The following PKNOX2 variants were observed in gnomAD, a reference collection of about 807,000 sequenced individuals.
PKNOX2 encodes the protein homeobox protein PKNOX2.
In PKNOX2, 14 loss-of-function variants were observed where a neutral mutation model predicts 53.1. The observed-to-expected ratio is 0.26, with a 90% confidence interval of 0.17 to 0.41. The LOEUF (loss-of-function observed/expected upper bound fraction) is 0.41, where lower values mean the gene tolerates loss of function less well. Ranked by LOEUF, PKNOX2 falls within the 10% of genes least tolerant of loss-of-function variation. PKNOX2 has a pLI of 1.00. For synonymous variants in PKNOX2, 257 were observed against 242.8 expected (o/e 1.06, Z -0.54); for missense variants, 496 against 602.8 (o/e 0.82, Z 1.85).
intron 10 of PKNOX2, among the ~76,000 whole-genome samples, chr11:125,426,078 C>T (rs1286183766): frequency 6.6e-6 from 1 of 152,220 alleles, no homozygotes; most frequent in East Asian, 1.9e-4. Flanking sequence ...GTGACATTCA[C>T]TCAGAATGGG....
rs1319720903 is a variant in PKNOX2 at position 125,165,895 on chromosome 11, C to T, written c.-201+1119C>T. Among the ~76,000 whole-genome samples the T allele has an allele frequency of 1.3e-5, 2 of 152,144 alleles. No homozygotes were observed. Among genetic ancestry groups the T allele is most frequent in the Non-Finnish European group, 2.9e-5 (2 of 68,026 alleles). On this transcript the variant is annotated intron_variant, in intron 1 of 12. Transcript: ENST00000298282. The surrounding 1 kb of genome is among the most constrained non-coding windows in gnomAD (Gnocchi z 4.5). Reference sequence around the variant, plus strand: ...TTTGCATTTCTTTCGGGTTAGGAGACGGGCTTTCCTGGCTCCCGATCCCCA... The same window carrying T: ...TTTGCATTTCTTTCGGGTTAGGAGATGGGCTTTCCTGGCTCCCGATCCCCA...
intron 2 of PKNOX2, among the ~76,000 whole-genome samples, chr11:125,268,296 G>A (rs1486897307): frequency 1.3e-5 from 2 of 152,340 alleles, no homozygotes; most frequent in Middle Eastern, 3.4e-3. Flanking sequence ...ACCGCGTGCT[G>A]TAGAAGCTGC....
At chr11:125,261,261 C>T (rs1165621592) in intron 2 of PKNOX2, among the ~76,000 whole-genome samples, 1 of 152,164 alleles carries the variant, frequency 6.6e-6, no homozygotes, top group Admixed American at 6.5e-5. Context: ...TTTATGTTAT[C>T]TGTCTTTTCC....
chr11:125,210,571 G>A (rs757171690), intron 1 of PKNOX2, among the ~76,000 whole-genome samples: 1 of 152,122 alleles, frequency 6.6e-6, no homozygotes, highest in Non-Finnish European at 1.5e-5. Context: ...AGAAAACTCC[G>A]TGGTCTTTGG....
chr11:125,176,592 G>T (rs1955719908), intron 1 of PKNOX2, among the ~76,000 whole-genome samples: 1 of 152,190 alleles, frequency 6.6e-6, no homozygotes, highest in South Asian at 2.1e-4. Context: ...AGGCATGAAG[G>T]GAGACTTGCC....
intron 1 of PKNOX2, among the ~76,000 whole-genome samples, chr11:125,222,635 A>ATG (rs1200116353): frequency 1.6e-5 from 2 of 126,764 alleles, no homozygotes; most frequent in African/African-American, 6.4e-5. Context: ...GTGTGTGTGT[A>ATG]TGTGTGTGCG....
chr11:125,280,347 G>T (rs958680963), intron 2 of PKNOX2, among the ~76,000 whole-genome samples: 5 of 152,202 alleles, frequency 3.3e-5, no homozygotes, highest in Admixed American at 6.5e-5. Flanking sequence ...CAACCTGTGT[G>T]CATCTGGGGA....
At chr11:125,322,418 C>T (rs563181924) in intron 2 of PKNOX2, among the ~76,000 whole-genome samples, 17 of 152,302 alleles carry the variant, frequency 1.1e-4, no homozygotes, top group Non-Finnish European at 2.2e-4. Context: ...CTGTCCTCTT[C>T]ATCATTATGA....
intron 12 of PKNOX2, among the ~76,000 whole-genome samples, chr11:125,430,881 C>T (rs920070557): frequency 6.6e-6 from 1 of 152,210 alleles, no homozygotes; most frequent in Non-Finnish European, 1.5e-5. Flanking sequence ...GATAATAATA[C>T]CTGCCTTACA....
At chr11:125,272,049 G>T (rs1031267041) in intron 2 of PKNOX2, among the ~76,000 whole-genome samples, 2 of 152,234 alleles carry the variant, frequency 1.3e-5, no homozygotes, top group African/African-American at 4.8e-5. Context: ...GCCACTCGGT[G>T]CCTTTTATTA....
intron 10 of PKNOX2, 81 bp from the exon 11 acceptor site, chr11:125,428,931 G>A: frequency 6.9e-7 from 1 of 1,445,696 alleles, no homozygotes; most frequent in Non-Finnish European, 9.7e-7. Flanking sequence ...TCAGGATAGT[G>A]CCCATGGCGT....
At chr11:125,276,816 A>G (rs1565485924) in intron 2 of PKNOX2, among the ~76,000 whole-genome samples, 1 of 152,170 alleles carries the variant, frequency 6.6e-6, no homozygotes, top group Non-Finnish European at 1.5e-5. Flanking sequence ...GAGTCTAGTC[A>G]GCAAATTTGT....
chr11:125,401,683 G>A (rs926353034), intron 7 of PKNOX2, among the ~76,000 whole-genome samples: 5 of 152,144 alleles, frequency 3.3e-5, no homozygotes, highest in African/African-American at 9.7e-5. Context: ...GCTAAGAATC[G>A]GGGACCGAGA....
At chr11:125,299,284 G>A (rs12287381) in intron 2 of PKNOX2, among the ~76,000 whole-genome samples, 23,842 of 152,034 alleles carry the variant, frequency 0.16, 1,999 homozygotes, top group East Asian at 0.25. Flanking sequence ...CCCCACCTCC[G>A]ACACTGGGGT....
intron 6 of PKNOX2, 100 bp from the exon 7 acceptor site, chr11:125,397,774 G>A: frequency 8.1e-7 from 1 of 1,239,396 alleles, no homozygotes. Flanking sequence ...CTACGGCAGG[G>A]GGTGGGCTCC....
At chr11:125,378,509 G>A (rs1952979258) in intron 5 of PKNOX2, among the ~76,000 whole-genome samples, 1 of 152,188 alleles carries the variant, frequency 6.6e-6, no homozygotes, top group South Asian at 2.1e-4. Context: ...GGATGGGGTG[G>A]GCACTGACCC....
At chr11:125,210,872 G>A (rs1939762155) in intron 1 of PKNOX2, among the ~76,000 whole-genome samples, 2 of 152,154 alleles carry the variant, frequency 1.3e-5, no homozygotes, top group African/African-American at 2.4e-5. Flanking sequence ...GTCCTGTTGT[G>A]TAGAAGTGGC....
rs190624901 is a variant in PKNOX2, at chr11:125,270,483, T to G, written c.-130+35368T>G. On this transcript the variant is annotated intron_variant, in intron 2 of 12. Transcript: ENST00000298282. Reference sequence around the variant, plus strand: ...GGCATTTGTCAGCCTTTCCCCCTATTGAATATCTTCTGTAATTGTCCCACG... The same window carrying G: ...GGCATTTGTCAGCCTTTCCCCCTATGGAATATCTTCTGTAATTGTCCCACG... 2.5e-3 allele frequency among the ~76,000 whole-genome samples: 376 copies of G among 152,312 alleles called. 1 individual carries two copies. The highest frequency in any genetic ancestry group is 7.7e-3 in the African/African-American group (322 of 41,566).
chr11:125,369,580 G>A (rs1384623226), intron 5 of PKNOX2, among the ~76,000 whole-genome samples: 2 of 152,196 alleles, frequency 1.3e-5, no homozygotes, highest in African/African-American at 2.4e-5. Context: ...CCAGAGCTAC[G>A]TGGTCAGAGC....
Sources: gnomAD v4.1 joint callset for allele counts (sites outside exome capture counted in the v4.1 genomes callset) on GRCh38, gnomAD v4.1.1 for gene constraint, Gnocchi (gnomAD v3.1) non-coding constraint, MANE v1.5 for transcripts, NCBI Gene and HGNC (gene_info 2026-07-23, HGNC 2026-07-21) for gene names.